The following CDC42EP4 variants were observed in gnomAD, a reference collection of about 807,000 sequenced individuals.
CDC42EP4 encodes CDC42 effector protein (Rho GTPase binding) 4.
In CDC42EP4, 6 loss-of-function variants were observed where a neutral mutation model predicts 5.6. That is an observed-to-expected ratio of 1.07 (90% CI 0.59 to 2.12). The LOEUF is 2.12. Among genes scored for constraint, CDC42EP4 ranks in the 30% most tolerant of loss-of-function variants. The pLI is 0.00. For synonymous variants in CDC42EP4, 230 were observed against 224.2 expected, an observed-to-expected ratio of 1.03 and a Z score of -0.23; for missense variants, 490 against 508.6, an observed-to-expected ratio of 0.96 and a Z score of 0.35.
intron 1 of CDC42EP4, among the ~76,000 whole-genome samples, chr17:73,296,928 C>G (rs954831950): frequency 3.7e-5 from 5 of 135,724 alleles, no homozygotes; most frequent in Non-Finnish European, 7.7e-5. Flanking sequence ...TTGCAGTGAG[C>G]CGAGATAGCG....
chr17:73,311,026 A>G (rs1041011900), intron 1 of CDC42EP4: 1 of 152,152 alleles, frequency 6.6e-6, no homozygotes, highest in Non-Finnish European at 1.5e-5. Context: ...CAAGCGGGCG[A>G]TTAAATCATT....
At chr17:73,289,424 C>T (rs910544588) in intron 1 of CDC42EP4, among the ~76,000 whole-genome samples, 2 of 152,130 alleles carry the variant, frequency 1.3e-5, no homozygotes, top group African/African-American at 4.8e-5. Flanking sequence ...TTACAGACAA[C>T]TTCTGGGTTG....
At chr17:73,311,332 G>GT (rs1240436950) in intron 1 of CDC42EP4, 1 of 152,698 alleles carries the variant, frequency 6.5e-6, no homozygotes, top group Admixed American at 6.5e-5. Flanking sequence ...GTGACATTGG[G>GT]TGGCGTGTGC....
Position 73,286,250 on chromosome 17 carries a change from C to G in CDC42EP4, c.251G>C (p.Arg84Pro). 6.2e-7 allele frequency: 1 copy of G among 1,614,220 alleles called. No individual in the cohort carries two copies. Among genetic ancestry groups the G allele is most frequent in the Non-Finnish European group, 8.5e-7 (1 of 1,180,048 alleles). Residue 84 changes from arginine to proline, a missense_variant, in exon 2 of 2, where the codon CGG becomes CCG. Physicochemically the swap from Arg to Pro is moderately radical, Grantham distance 103. Coordinates refer to ENST00000335793, the MANE Select transcript of CDC42EP4 (RefSeq NM_012121.5). This position sits in a 1 kb window ranked among gnomAD's most constrained non-coding sequence, Gnocchi z 7.7. ...SKRSLLSRKFRGSKRSQSVTR... is the reference protein window; with the variant it reads ...SKRSLLSRKFPGSKRSQSVTR... ...CACCGACTGTGACCGCTTGCTGCCC[C>G]GGAACTTCCTGGACAGGAGACTGCG...
In CDC42EP4 at chr17:73,285,696, C is replaced by G; in HGVS notation, c.805G>C (p.Ala269Pro). The change falls in exon 2 of 2, where the codon GCT becomes CCT. Residue 269 changes from alanine (A) to proline (P), a missense_variant. Physicochemically the swap from Ala to Pro is conservative, Grantham distance 27 (BLOSUM62 -1). Transcript: ENST00000335793. This position sits in a 1 kb window ranked among gnomAD's most constrained non-coding sequence, Gnocchi z 6.8. ...GGGAGGGAGGGCAAGTCTGGGCCAG[C>G]CTTGCCTTCCTGCCTTGCCAGGGGA... ...APPLARQEGK[A>P]GPDLPSLPSH... is the part of the protein sequence containing the mutation. 6.4e-7 allele frequency: 1 copy of G among 1,570,886 alleles called. No individual in the cohort carries two copies. Among genetic ancestry groups the G allele is most frequent in the Non-Finnish European group, 8.7e-7 (1 of 1,153,394 alleles).
intron 1 of CDC42EP4, among the ~76,000 whole-genome samples, chr17:73,309,038 CAAAAAAA>C (rs57714877): frequency 7.6e-4 from 26 of 34,012 alleles, no homozygotes; most frequent in Admixed American, 1.9e-3. Context: ...GCTCTGTCTC[CAAAAAAA>C]AAAAAAAAAA....
At chr17:73,294,559 C>T (rs545600070) in intron 1 of CDC42EP4, among the ~76,000 whole-genome samples, 1 of 152,084 alleles carries the variant, frequency 6.6e-6, no homozygotes, top group Non-Finnish European at 1.5e-5. Flanking sequence ...ATTCCCACCC[C>T]AGGGCTCCAT....
chr17:73,295,103 C>T (rs539656280), intron 1 of CDC42EP4, among the ~76,000 whole-genome samples: 9 of 152,220 alleles, frequency 5.9e-5, no homozygotes, highest in African/African-American at 9.6e-5. Flanking sequence ...TGAGCCATTG[C>T]GCCTGGCCCC....
intron 1 of CDC42EP4, among the ~76,000 whole-genome samples, chr17:73,297,301 A>ACACACACACACACACACACACACACAC (rs1568343473): frequency 1.4e-5 from 2 of 147,802 alleles, no homozygotes; most frequent in African/African-American, 5.0e-5. Context: ...TCTCCAAAAA[A>ACACACACACACACACACACACACACAC]AAAAAAAAAC....
chr17:73,291,180 G>A lies in CDC42EP4; in HGVS notation c.-112-4568C>T, dbSNP rs1036193867. The stretch of plus-strand genomic sequence containing the variant: ...CAGTGCTGCCTGCTGCCACGGTCTC[G>A]CTTCCTGGGGGGTTGGGAACGAGAC... On this transcript the variant is annotated intron_variant, in intron 1 of 1. Transcript: ENST00000335793. Among the ~76,000 whole-genome samples, 22 of 152,300 alleles carry A rather than the reference G, an allele frequency of 1.4e-4. No individual in the cohort carries two copies. In the South Asian group the frequency reaches 1.4e-3, roughly 10 times the overall value.
chr17:73,299,896 T>G (rs1360462454), intron 1 of CDC42EP4, among the ~76,000 whole-genome samples: 1 of 152,140 alleles, frequency 6.6e-6, no homozygotes, highest in Non-Finnish European at 1.5e-5. Context: ...TCCCACTTCC[T>G]GCTCTCAGGA....
At chr17:73,310,475 C>T (rs1313509921) in intron 1 of CDC42EP4, among the ~76,000 whole-genome samples, 1 of 151,780 alleles carries the variant, frequency 6.6e-6, no homozygotes, top group African/African-American at 2.4e-5. Flanking sequence ...ACGGGGGCTC[C>T]CAAGGACTCC....
At chr17:73,301,298 T>C (rs994867594) in intron 1 of CDC42EP4, among the ~76,000 whole-genome samples, 5 of 152,236 alleles carry the variant, frequency 3.3e-5, no homozygotes, top group Non-Finnish European at 1.5e-5. Flanking sequence ...AAGACTTCTA[T>C]TGGAGAGCAA....
At chr17:73,298,924 A>G (rs2062202453) in intron 1 of CDC42EP4, among the ~76,000 whole-genome samples, 1 of 151,810 alleles carries the variant, frequency 6.6e-6, no homozygotes, top group Non-Finnish European at 1.5e-5. Flanking sequence ...GGAGACTCAG[A>G]CAGAGTGAAT....
At chr17:73,298,733 C>T (rs922257567) in intron 1 of CDC42EP4, among the ~76,000 whole-genome samples, 7 of 152,176 alleles carry the variant, frequency 4.6e-5, no homozygotes, top group African/African-American at 1.7e-4. Flanking sequence ...GAGAAACAGG[C>T]TCCCTAATCC....
rs1453858395 is a variant in CDC42EP4, at chr17:73,285,611, C to T, written c.890G>A (p.Arg297His). The change falls in exon 2 of 2, where the codon CGC (arginine) becomes CAC (histidine). Residue 297 changes from arginine to histidine, a missense_variant. By Grantham distance (29) the Arg-to-His change is conservative. Transcript: ENST00000335793. The surrounding 1 kb of genome is among the most constrained non-coding windows in gnomAD (Gnocchi z 6.8). ...CCGTGTGGTGTGGCTGCCCATGCTG[C>T]GGGCTGAGCCGGGGCTGGGGGCCGC... is the stretch of plus-strand genomic sequence containing the variant. ...AAAAPSPGSA[R>H]SMGSHTTRDS... The T allele has an allele frequency of 3.1e-6, 5 of 1,606,386 alleles. No homozygotes were observed. The highest frequency in any genetic ancestry group is 2.2e-5 in the South Asian group (2 of 90,728).
Position 73,285,880 on chromosome 17 carries a change from C to T in CDC42EP4, c.621G>A (p.Met207Ile), listed in dbSNP as rs370295836. 13 of 1,613,976 alleles carry T rather than the reference C, an allele frequency of 8.1e-6. No individual in the cohort carries two copies. Among genetic ancestry groups the T allele is most frequent in the African/African-American group, 2.7e-5 (2 of 74,940 alleles). ...TYGLKHAESI[M>I]SFHIDLGPSM... Reference sequence around the variant, plus strand: ...AGGGCCCCAGGTCGATGTGGAAGGACATGATGGACTCCGCATGCTTCAGCC... The same window carrying T: ...AGGGCCCCAGGTCGATGTGGAAGGATATGATGGACTCCGCATGCTTCAGCC... Residue 207 changes from methionine (M) to isoleucine (I), a missense_variant, in exon 2 of 2, where the codon ATG becomes ATA. Met to Ile is a conservative substitution (Grantham distance 10). Transcript: ENST00000335793. The surrounding 1 kb of genome is among the most constrained non-coding windows in gnomAD (Gnocchi z 6.8).
chr17:73,288,819 C>G (rs941764068), intron 1 of CDC42EP4, among the ~76,000 whole-genome samples: 4 of 152,216 alleles, frequency 2.6e-5, no homozygotes, highest in Non-Finnish European at 5.9e-5. Context: ...AATGTCCCCC[C>G]TCCCAGTGCC....
At chr17:73,300,648 G>A (rs925736027) in intron 1 of CDC42EP4, among the ~76,000 whole-genome samples, 2 of 152,168 alleles carry the variant, frequency 1.3e-5, no homozygotes, top group African/African-American at 4.8e-5. Context: ...ACACGATTGG[G>A]TGATGGTTAC....
Sources: gnomAD v4.1 joint callset for allele counts (sites outside exome capture counted in the v4.1 genomes callset) on GRCh38, gnomAD v4.1.1 for gene constraint, Gnocchi (gnomAD v3.1) non-coding constraint, MANE v1.5 for transcripts, NCBI Gene and HGNC (gene_info 2026-07-23, HGNC 2026-07-21) for gene names.